Variants in SHANK2 observed in about 807,000 individuals in gnomAD.
SHANK2 encodes the protein SH3 and multiple ankyrin repeat domains 2.
SHANK2 carries 43 observed loss-of-function variants against 133.7 expected under a neutral mutation model. That is an observed-to-expected ratio of 0.32 (90% CI 0.25 to 0.41). The LOEUF (loss-of-function observed/expected upper bound fraction) is 0.41. Among genes scored for constraint, SHANK2 ranks in the 10% least tolerant of loss-of-function variants. The pLI, the probability that SHANK2 is intolerant of heterozygous loss-of-function variation, is 1.00. For synonymous variants in SHANK2, 1,017 were observed against 952.8 expected, an observed-to-expected ratio of 1.07 and a Z score of -1.24; for missense variants, 1,994 against 2,235.8, an observed-to-expected ratio of 0.89 and a Z score of 2.18.
rs1445915161 is a variant in SHANK2, at chr11:71,113,308, G to T, written c.468C>A (p.Ala156=). Residue 156 remains alanine (A), a synonymous_variant, in exon 5 of 26, where the codon GCC becomes GCA. Transcript: ENST00000601538. ...KQASLDEKQL[A]KLHTKTNLKK... is the part of the protein sequence containing the mutation. ...CCCTGCATACCTTCGTGTGGAGCTT[G>T]GCCAACTGTTTCTCATCGAGACTGG... The T allele has an allele frequency of 2.6e-6, 4 of 1,551,676 alleles. No individual in the cohort carries two copies. The highest frequency in any genetic ancestry group is 2.6e-6 in the Non-Finnish European group (3 of 1,146,968).
intron 14 of SHANK2, among the ~76,000 whole-genome samples, chr11:70,789,022 T>C (rs930781877): frequency 6.6e-5 from 10 of 152,038 alleles, no homozygotes; most frequent in Admixed American, 2.0e-4. Context: ...CAAATGGCAA[T>C]GCTAAGCTGT....
At chr11:70,511,575 G>C (rs1554969304) in intron 17 of SHANK2, among the ~76,000 whole-genome samples, 1 of 152,216 alleles carries the variant, frequency 6.6e-6, no homozygotes, top group Non-Finnish European at 1.5e-5. Context: ...TCACTTGCCA[G>C]ATTTATAGAA....
At chr11:70,580,162 A>G (rs1383736433) in intron 17 of SHANK2, among the ~76,000 whole-genome samples, 1 of 152,214 alleles carries the variant, frequency 6.6e-6, no homozygotes, top group African/African-American at 2.4e-5. Flanking sequence ...GAACATCAGA[A>G]AGCCGTGGAC....
intron 17 of SHANK2, among the ~76,000 whole-genome samples, chr11:70,640,499 C>A (rs1054750404): frequency 6.6e-6 from 1 of 152,214 alleles, no homozygotes; most frequent in Non-Finnish European, 1.5e-5. Flanking sequence ...TGTGAGTGAA[C>A]GCATCGCTGT....
At chr11:71,120,017 AC>A (rs1324572857) in intron 3 of SHANK2, among the ~76,000 whole-genome samples, 1 of 152,206 alleles carries the variant, frequency 6.6e-6, no homozygotes, top group Non-Finnish European at 1.5e-5. Flanking sequence ...CCCAAAGGAC[AC>A]AGGAAAGCAA....
intron 17 of SHANK2, among the ~76,000 whole-genome samples, chr11:70,620,262 A>G (rs896235389): frequency 2.6e-5 from 4 of 152,170 alleles, no homozygotes; most frequent in South Asian, 2.1e-4. Context: ...AGGCCTCTGC[A>G]TAGCCCGGCT....
At chr11:70,539,098 G>A (rs2059580695) in intron 17 of SHANK2, among the ~76,000 whole-genome samples, 1 of 152,214 alleles carries the variant, frequency 6.6e-6, no homozygotes, top group Non-Finnish European at 1.5e-5. Context: ...TGGATCTGCG[G>A]CACACAGAGG....
At chr11:70,613,713 G>C (rs1554995073) in intron 17 of SHANK2, among the ~76,000 whole-genome samples, 1 of 150,992 alleles carries the variant, frequency 6.6e-6, no homozygotes, top group Non-Finnish European at 1.5e-5. Flanking sequence ...AGGGGAGTAG[G>C]GTGGGCCCTA....
At chr11:70,801,699 G>GC (rs1359802393) in intron 13 of SHANK2, among the ~76,000 whole-genome samples, 1 of 152,248 alleles carries the variant, frequency 6.6e-6, no homozygotes, top group South Asian at 2.1e-4. Flanking sequence ...GAGAGACTTG[G>GC]CCCCATCACT....
chr11:71,207,118 A>G (rs1303273545), intron 2 of SHANK2, among the ~76,000 whole-genome samples: 1 of 141,270 alleles, frequency 7.1e-6, no homozygotes, highest in Non-Finnish European at 1.5e-5. Flanking sequence ...AGAAAAAAAA[A>G]TCATGGAAGG....
At chr11:71,111,406 G>A (rs1951890251) in intron 5 of SHANK2, among the ~76,000 whole-genome samples, 1 of 152,220 alleles carries the variant, frequency 6.6e-6, no homozygotes, top group Non-Finnish European at 1.5e-5. Flanking sequence ...AGGTCATGAT[G>A]GTCCGCAGAT....
chr11:71,156,863 G>A (rs1555109184), intron 2 of SHANK2, among the ~76,000 whole-genome samples: 1 of 152,168 alleles, frequency 6.6e-6, no homozygotes, highest in Non-Finnish European at 1.5e-5. Flanking sequence ...AGAAGCTATG[G>A]TCTGAGTTGC....
intron 17 of SHANK2, among the ~76,000 whole-genome samples, chr11:70,608,359 C>T (rs1411402988): frequency 1.3e-5 from 2 of 152,138 alleles, no homozygotes; most frequent in Non-Finnish European, 2.9e-5. Flanking sequence ...TAGTTGAACA[C>T]GTAGGGGGCC....
intron 17 of SHANK2, among the ~76,000 whole-genome samples, chr11:70,545,107 T>G (rs1197637840): frequency 6.6e-6 from 1 of 151,696 alleles, no homozygotes; most frequent in Non-Finnish European, 1.5e-5. Context: ...CTGGGAGGGG[T>G]TGCGCTCTGA....
At chr11:70,632,683 G>C (rs1555002664) in intron 17 of SHANK2, among the ~76,000 whole-genome samples, 3 of 152,004 alleles carry the variant, frequency 2.0e-5, no homozygotes, top group Admixed American at 1.3e-4. Context: ...CCTCCCACCC[G>C]CCCTGAGCAC....
chr11:70,757,303 A>T (rs1420122506), intron 14 of SHANK2, among the ~76,000 whole-genome samples: 6 of 152,188 alleles, frequency 3.9e-5, no homozygotes, highest in African/African-American at 1.4e-4. Flanking sequence ...CCTTATCTGT[A>T]AAAAGGGATA....
At chr11:70,622,829 G>A (rs898783646) in intron 17 of SHANK2, among the ~76,000 whole-genome samples, 13 of 151,936 alleles carry the variant, frequency 8.6e-5, no homozygotes, top group African/African-American at 2.7e-4. Flanking sequence ...ACACACACGC[G>A]CAAGCACCAC....
intron 17 of SHANK2, among the ~76,000 whole-genome samples, chr11:70,567,699 C>T (rs1258738886): frequency 3.3e-5 from 5 of 151,990 alleles, no homozygotes; most frequent in African/African-American, 9.7e-5. Flanking sequence ...ACGGGAGGAC[C>T]CAGGGAGAAG....
intron 11 of SHANK2, among the ~76,000 whole-genome samples, chr11:70,876,289 C>A (rs546851208): frequency 1.7e-5 from 2 of 116,246 alleles, no homozygotes; most frequent in South Asian, 3.2e-4. Flanking sequence ...TGGCTGGGTG[C>A]GGTGGCTCAC....
Sources: allele counts gnomAD v4.1 joint callset (sites outside exome capture counted in the v4.1 genomes callset), GRCh38; gene constraint gnomAD v4.1.1; transcripts MANE v1.5; gene names NCBI Gene and HGNC (gene_info 2026-07-23, HGNC 2026-07-21).